The following KSR1 variants were observed in gnomAD, a reference collection of about 807,000 sequenced individuals.
The protein encoded by KSR1 is kinase suppressor of ras 1.
A neutral mutation model predicts 92.9 loss-of-function variants in KSR1; 35 were observed. That is an observed-to-expected ratio of 0.38 (90% CI 0.29 to 0.50). The LOEUF (loss-of-function observed/expected upper bound fraction) is 0.50, where lower values mean the gene tolerates loss of function less well. Among genes scored for constraint, KSR1 ranks in the 20% least tolerant of loss-of-function variants. The probability of loss-of-function intolerance (pLI) is 0.94; values close to 1 mark genes in which losing one functional copy is unlikely to be tolerated. For missense variants in KSR1, 972 were observed against 1,158.5 expected, an observed-to-expected ratio of 0.84 and a Z score of 2.34; for synonymous variants, 467 against 472.6, an observed-to-expected ratio of 0.99 and a Z score of 0.15.
chr17:27,461,300 C>T (rs1452985620), intron 1 of KSR1, among the ~76,000 whole-genome samples: 3 of 152,098 alleles, frequency 2.0e-5, no homozygotes, highest in Non-Finnish European at 2.9e-5. Flanking sequence ...AGGCTGGTCT[C>T]GAACTCCTGG....
At chr17:27,482,087 G>A (rs549130856) in intron 1 of KSR1, among the ~76,000 whole-genome samples, 1 of 152,224 alleles carries the variant, frequency 6.6e-6, no homozygotes, top group East Asian at 1.9e-4. Flanking sequence ...CATAAATGTT[G>A]TTGGTGGTGC....
At chr17:27,574,205 C>T (rs1341458780) in intron 2 of KSR1, among the ~76,000 whole-genome samples, 1 of 152,234 alleles carries the variant, frequency 6.6e-6, no homozygotes, top group Non-Finnish European at 1.5e-5. Context: ...GTGCTCTTAA[C>T]AGTCAAATGA....
At chr17:27,495,119 G>A (rs2068942462) in intron 1 of KSR1, among the ~76,000 whole-genome samples, 1 of 152,198 alleles carries the variant, frequency 6.6e-6, no homozygotes, top group Non-Finnish European at 1.5e-5. Context: ...TTACCCATTG[G>A]GCAGGGAAGG....
At chr17:27,506,523 A>G (rs2069388042) in intron 1 of KSR1, among the ~76,000 whole-genome samples, 2 of 152,214 alleles carry the variant, frequency 1.3e-5, no homozygotes, top group South Asian at 2.1e-4. Context: ...CTGGGGTTGC[A>G]CATTTCGGTG....
chr17:27,572,741 A>G (rs947095590), intron 2 of KSR1, among the ~76,000 whole-genome samples: 2 of 152,180 alleles, frequency 1.3e-5, no homozygotes, highest in African/African-American at 4.8e-5. Context: ...CTTTGAAAAC[A>G]TCTTCCTAAA....
chr17:27,576,434 A>G (rs2072508125), intron 2 of KSR1, among the ~76,000 whole-genome samples: 1 of 152,242 alleles, frequency 6.6e-6, no homozygotes, highest in Non-Finnish European at 1.5e-5. Flanking sequence ...TTATAACAAT[A>G]CACTATAATG....
Position 27,487,156 on chromosome 17 carries a change from C to T in KSR1, c.231+30282C>T, listed in dbSNP as rs193065194. Among the ~76,000 whole-genome samples, 26 of 152,270 alleles carry T rather than the reference C, an allele frequency of 1.7e-4. No homozygotes were observed. The East Asian group carries it at 3.9e-3, about 23-fold the overall frequency. On this transcript the variant is annotated intron_variant, in intron 1 of 20. Transcript: ENST00000644974. ...TTTATTTAAGAAAGAGGTTTGTGGCCGGGCGCGATGGCTCACGCCTGTAAT... is the reference window on the plus strand; with the variant it reads ...TTTATTTAAGAAAGAGGTTTGTGGCTGGGCGCGATGGCTCACGCCTGTAAT...
rs189782552 is a variant in KSR1, at chr17:27,577,729, C to G, written c.520+90C>G. On this transcript the variant is annotated intron_variant, in intron 3 of 20. Transcript: ENST00000644974. This position sits in a 1 kb window ranked among gnomAD's most constrained non-coding sequence, Gnocchi z 4.5. ...ATGGTGGGTGATGGAGCGGGGCAAG[C>G]GTGGCCCAGGGTTTCTGGGGCAGCC... The G allele has an allele frequency of 8.7e-7, 1 of 1,147,416 alleles. No homozygotes were observed. The highest frequency in any genetic ancestry group is 1.3e-5 in the South Asian group (1 of 75,680). 71.1% of individuals were successfully genotyped at this position (1,147,416 alleles called of 1,614,324 possible). A position where few individuals can be genotyped will look rare whatever the true frequency, so the allele number is the denominator to read the frequency against.
intron 1 of KSR1, among the ~76,000 whole-genome samples, chr17:27,507,029 C>G (rs904598567): frequency 6.6e-6 from 1 of 152,196 alleles, no homozygotes; most frequent in African/African-American, 2.4e-5. Context: ...AATGCGGTAG[C>G]CATCAGCCAC....
rs558174778 is a variant in KSR1, at chr17:27,597,421, A to C, written c.1453A>C (p.Arg485=). 3.9e-5 allele frequency: 62 copies of C among 1,607,142 alleles called. No homozygotes were observed. The South Asian group carries it at 6.8e-4, about 18-fold the overall frequency. Residue 485 remains arginine (R), a synonymous_variant, in exon 10 of 21, where the codon AGG becomes CGG. Transcript: ENST00000644974. Reference sequence around the variant, plus strand: ...CCCCTCACCTGGCCAGCGGGACAGCAGGTTCAACTTCCCAGGTACCACATC... The same window carrying C: ...CCCCTCACCTGGCCAGCGGGACAGCCGGTTCAACTTCCCAGGTACCACATC... The part of the protein sequence containing the change: ...PNPSPGQRDS[R]FNFPAAYFIH...
chr17:27,526,094 T>TTCTTTTTCTCTC (rs55706224), intron 1 of KSR1, among the ~76,000 whole-genome samples: 5 of 118,402 alleles, frequency 4.2e-5, no homozygotes, highest in African/African-American at 1.8e-4. Context: ...CTTTCTTTCT[T>TTCTTTTTCTCTC]TCTCTCTCTC....
Position 27,583,090 on chromosome 17 carries a change from A to G in KSR1, c.965A>G (p.Asp322Gly), listed in dbSNP as rs990330216. Reference sequence around the variant, plus strand: ...TCTCAGCTGGGGAACCGCATTGATGACGTCTCCTCGATGAGGTGAGTGCTC... The same window carrying G: ...TCTCAGCTGGGGAACCGCATTGATGGCGTCTCCTCGATGAGGTGAGTGCTC... ...HESQLGNRID[D>G]VSSMRFDLSH... The change falls in exon 4 of 21, where the codon GAC (aspartate) becomes GGC (glycine). Residue 322 changes from aspartate (D) to glycine (G), a missense_variant. Physicochemically the swap from Asp to Gly is moderately conservative, Grantham distance 94. Transcript: ENST00000644974. The G allele has an allele frequency of 1.9e-6, 3 of 1,564,150 alleles. No individual in the cohort carries two copies. The highest frequency in any genetic ancestry group is 2.6e-6 in the Non-Finnish European group (3 of 1,152,328).
intron 1 of KSR1, among the ~76,000 whole-genome samples, chr17:27,530,037 A>G (rs959332817): frequency 1.3e-5 from 2 of 152,336 alleles, no homozygotes; most frequent in Admixed American, 1.3e-4. Context: ...ATGGACACAC[A>G]CTGTTCTTAA....
intron 1 of KSR1, among the ~76,000 whole-genome samples, chr17:27,518,388 G>A (rs1424158119): frequency 1.6e-4 from 25 of 152,306 alleles, no homozygotes; most frequent in Admixed American, 1.6e-3. Flanking sequence ...TAAAGAAAAA[G>A]GCAGAAGGTA....
At chr17:27,597,494 G>C (rs1475203973) in intron 10 of KSR1, 58 bp downstream of exon 10, 4 of 1,517,180 alleles carry the variant, frequency 2.6e-6, no homozygotes, top group Non-Finnish European at 3.6e-6. Flanking sequence ...CCCCTTCTCA[G>C]CAGACCCAAG....
chr17:27,602,826 C>T (rs1322461936), intron 11 of KSR1, among the ~76,000 whole-genome samples: 1 of 152,240 alleles, frequency 6.6e-6, no homozygotes. Context: ...GTGTGCATTT[C>T]CCTGATAAGA....
chr17:27,582,526 C>T, intron 3 of KSR1, 120 bp from the exon 4 acceptor site: 3 of 881,674 alleles, frequency 3.4e-6, no homozygotes, highest in Non-Finnish European at 5.2e-6. Flanking sequence ...GTAGTTGAAG[C>T]CTTCCCTTAA....
At chr17:27,563,416 C>T (rs11653119) in intron 2 of KSR1, among the ~76,000 whole-genome samples, 59,947 of 151,834 alleles carry the variant, frequency 0.39, 12,016 homozygotes, top group Middle Eastern at 0.47. Flanking sequence ...ACCACTGTGC[C>T]CAGCTATGTT....
chr17:27,536,392 G>C (rs1284721019), intron 1 of KSR1, among the ~76,000 whole-genome samples: 1 of 152,180 alleles, frequency 6.6e-6, no homozygotes, highest in Non-Finnish European at 1.5e-5. Context: ...AACAGCTCTA[G>C]AATCTTCTCC....
Sources: allele counts gnomAD v4.1 joint callset (sites outside exome capture counted in the v4.1 genomes callset), GRCh38; gene constraint gnomAD v4.1.1; non-coding constraint Gnocchi (gnomAD v3.1); transcripts MANE v1.5; gene names NCBI Gene and HGNC (gene_info 2026-07-23, HGNC 2026-07-21).